The following ROS1 variants were observed in gnomAD, a reference collection of about 807,000 sequenced individuals.
The protein encoded by ROS1 is proto-oncogene tyrosine-protein kinase ROS.
ROS1 carries 263 observed loss-of-function variants against 273.5 expected under a neutral mutation model. The ratio of observed to expected loss-of-function variants is 0.96; its 90% confidence interval spans 0.87 to 1.06. The LOEUF (loss-of-function observed/expected upper bound fraction) is 1.06, where lower values mean the gene tolerates loss of function less well. ROS1 is among the 50% of genes least tolerant of loss of function. The pLI is 0.00. For synonymous variants in ROS1, 1,008 were observed against 954.1 expected (o/e 1.06, Z -1.04); for missense variants, 2,833 against 2,751.1 (o/e 1.03, Z -0.67).
chr6:117,355,616 G>GT (rs1230914772), intron 26 of ROS1, among the ~76,000 whole-genome samples: 3,764 of 144,072 alleles, frequency 0.026, 46 homozygotes, highest in East Asian at 0.036. Flanking sequence ...TTTAATTTTA[G>GT]TTTTTTTTTT....
intron 1 of ROS1, among the ~76,000 whole-genome samples, chr6:117,423,992 T>C (rs922586935): frequency 2.6e-5 from 4 of 152,134 alleles, no homozygotes; most frequent in Non-Finnish European, 5.9e-5. Flanking sequence ...CTGTAGGTGG[T>C]GAACGGAAGG....
chr6:117,396,464 T>C (rs1773497497), intron 8 of ROS1, among the ~76,000 whole-genome samples, 200 bp from the exon 9 acceptor site: 1 of 152,162 alleles, frequency 6.6e-6, no homozygotes, highest in African/African-American at 2.4e-5. Context: ...TTCAGGGTCA[T>C]AGAGGTCAAA....
chr6:117,341,677 T>C lies in ROS1; in HGVS notation c.4652-45A>G, dbSNP rs774234752. On this transcript the variant is annotated intron_variant, in intron 29 of 43. Coordinates refer to ENST00000368507, the MANE Select transcript of ROS1 (RefSeq NM_001378902.1). ...ATGATAAAGGATGCTGCAATAGCAC[T>C]GAAAGATGGAAAGAAGTAATGGAGT... is the stretch of plus-strand genomic sequence containing the variant. The C allele has an allele frequency of 2.1e-6, 3 of 1,427,638 alleles. No homozygotes were observed. In the East Asian group the frequency reaches 6.8e-5, roughly 33 times the overall value. The allele number at this position is 1,427,638 out of a possible 1,614,324, so 88.4% of individuals were successfully genotyped here.
intron 22 of ROS1, among the ~76,000 whole-genome samples, chr6:117,361,350 T>G (rs1265665246): frequency 6.6e-6 from 1 of 151,570 alleles, no homozygotes; most frequent in Non-Finnish European, 1.5e-5. Flanking sequence ...TGTATTATTT[T>G]TATTATACTT....
chr6:117,364,576 T>C (rs1412427849), intron 21 of ROS1, among the ~76,000 whole-genome samples: 1 of 152,260 alleles, frequency 6.6e-6, no homozygotes, highest in Non-Finnish European at 1.5e-5. Context: ...AAAGGAGTGA[T>C]ACATAAAAAT....
chr6:117,417,477 T>C (rs1335102621), intron 2 of ROS1, among the ~76,000 whole-genome samples: 3 of 151,840 alleles, frequency 2.0e-5, no homozygotes, highest in Admixed American at 6.6e-5. Context: ...GGACCCCTCT[T>C]GTTCCCACAT....
At chr6:117,332,981 A>G (rs1662764495) in intron 32 of ROS1, among the ~76,000 whole-genome samples, 1 of 152,142 alleles carries the variant, frequency 6.6e-6, no homozygotes, top group Admixed American at 6.5e-5. Context: ...GAAGACAAGA[A>G]ATAACTAAGA....
chr6:117,373,590 G>A (rs925201013), intron 18 of ROS1, among the ~76,000 whole-genome samples: 5 of 152,214 alleles, frequency 3.3e-5, no homozygotes, highest in African/African-American at 4.8e-5. Flanking sequence ...TGCGGGGCCC[G>A]CCAAGCCCGC....
intron 39 of ROS1, among the ~76,000 whole-genome samples, chr6:117,316,606 T>C (rs961166108): frequency 3.3e-5 from 5 of 152,068 alleles, no homozygotes; most frequent in Non-Finnish European, 7.4e-5. Flanking sequence ...GGCTGCGTTT[T>C]GCAGGCAGAG....
At chr6:117,318,332 T>A in intron 37 of ROS1, 80 bp from the exon 38 acceptor site, 2 of 1,037,432 alleles carry the variant, frequency 1.9e-6, no homozygotes, top group Admixed American at 1.7e-5. Flanking sequence ...GATTGTTCTG[T>A]TTGTTCTGTA....
At chr6:117,368,997 C>A (rs1343427474) in intron 18 of ROS1, among the ~76,000 whole-genome samples, 1 of 151,230 alleles carries the variant, frequency 6.6e-6, no homozygotes, top group Non-Finnish European at 1.5e-5. Flanking sequence ...TTTAATGAGC[C>A]AACTAGAATA....
At chr6:117,319,792 TATTATA>T (rs2128558283) in intron 37 of ROS1, 70 bp downstream of exon 37, 1 of 1,348,976 alleles carries the variant, frequency 7.4e-7, no homozygotes, top group Admixed American at 2.0e-5. Flanking sequence ...ACTCAACTTT[TATTATA>T]ATTATATCCA....
intron 43 of ROS1, among the ~76,000 whole-genome samples, chr6:117,289,126 C>A (rs1013994668): frequency 2.0e-5 from 3 of 152,210 alleles, no homozygotes; most frequent in Admixed American, 6.5e-5. Context: ...CCTTAACAAG[C>A]GGAGCAAGTC....
chr6:117,297,643 C>T (rs961614318), intron 43 of ROS1, among the ~76,000 whole-genome samples: 4 of 151,982 alleles, frequency 2.6e-5, no homozygotes, highest in African/African-American at 4.8e-5. Context: ...TAATCATCGG[C>T]GAAATGCAAA....
rs147709422 is a variant in ROS1 at position 117,359,980 on chromosome 6, A to C, written c.3462T>G (p.Leu1154=). 229 of 1,613,716 alleles carry C rather than the reference A, an allele frequency of 1.4e-4. No homozygotes were observed. Among genetic ancestry groups the C allele is most frequent in the Non-Finnish European group, 1.7e-4 (203 of 1,179,836 alleles). ...CTAAAAAAACTATCTTGTTACCAAG[A>C]AGAGTTATGAGGTGAGGAAATGGGT... ...EINPFPHLIT[L]LGNKIVFLDM... is the part of the protein sequence containing the mutation. Residue 1154 remains leucine, a synonymous_variant, in exon 24 of 44, where the codon CTT becomes CTG. Coordinates refer to ENST00000368507, the MANE Select transcript of ROS1 (RefSeq NM_001378902.1).
At chr6:117,307,198 T>C (rs1183563438) in intron 42 of ROS1, among the ~76,000 whole-genome samples, 2 of 152,132 alleles carry the variant, frequency 1.3e-5, no homozygotes, top group Non-Finnish European at 2.9e-5. Flanking sequence ...AATTTGTTAT[T>C]AACCCCCCTG....
rs1773561368 is a variant in ROS1, at chr6:117,288,065, T to C, written c.*427A>G. The stretch of plus-strand genomic sequence containing the variant: ...CCTTGGTCCCATTTGAGATTATCTG[T>C]AGTTCAGTTGACCCCCCTGAGCCTA... On this transcript the variant is annotated 3_prime_UTR_variant, in exon 44 of 44. Transcript: ENST00000368507. Among the ~76,000 whole-genome samples, 1 of 152,222 alleles carries C rather than the reference T, an allele frequency of 6.6e-6. No individual in the cohort carries two copies. Among genetic ancestry groups the C allele is most frequent in the African/African-American group, 2.4e-5 (1 of 41,468 alleles).
chr6:117,294,023 G>T (rs1774028082), intron 43 of ROS1, among the ~76,000 whole-genome samples: 1 of 151,778 alleles, frequency 6.6e-6, no homozygotes, highest in South Asian at 2.1e-4. Flanking sequence ...GAAGACACAT[G>T]ATACATTACA....
chr6:117,291,660 T>C (rs1311577401), intron 43 of ROS1, among the ~76,000 whole-genome samples: 1 of 152,218 alleles, frequency 6.6e-6, no homozygotes, highest in Non-Finnish European at 1.5e-5. Flanking sequence ...TAATATCCGC[T>C]TCATAAGGCT....
Sources: allele counts gnomAD v4.1 joint callset (sites outside exome capture counted in the v4.1 genomes callset), GRCh38; gene constraint gnomAD v4.1.1; transcripts MANE v1.5; gene names NCBI Gene and HGNC (gene_info 2026-07-23, HGNC 2026-07-21).